Variants in POLK observed in about 807,000 individuals in gnomAD.
POLK encodes the protein polymerase (DNA directed) kappa.
A neutral mutation model predicts 94.0 loss-of-function variants in POLK; 76 were observed. That is an observed-to-expected ratio of 0.81 (90% CI 0.67 to 0.98). The LOEUF is 0.98. Among genes scored for constraint, POLK ranks in the 50% least tolerant of loss-of-function variants. The pLI, the probability that POLK is intolerant of heterozygous loss-of-function variation, is 0.00. For synonymous variants in POLK, 349 were observed against 325.4 expected, an observed-to-expected ratio of 1.07 and a Z score of -0.78; for missense variants, 954 against 1,010.1, an observed-to-expected ratio of 0.94 and a Z score of 0.75.
intron 1 of POLK, among the ~76,000 whole-genome samples, chr5:75,535,239 T>G (rs916676965): frequency 6.6e-6 from 1 of 152,210 alleles, no homozygotes; most frequent in Admixed American, 6.5e-5. Flanking sequence ...GATATGGAAT[T>G]CTTGGTTGAA....
rs1236492750 is a variant in POLK at position 75,559,516 on chromosome 5, TTGTTTTG to T, written c.255+6927_255+6933del. On this transcript the variant is annotated intron_variant, in intron 3 of 14. Coordinates refer to ENST00000241436, the Ensembl canonical transcript of POLK. ...TTGATTTGGGGTTTGTTTTTTTGTTTTGTTTTGTTTTTTTTTTTTTTTTTTTTTTTTT... is the reference window on the plus strand; with the variant it reads ...TTGATTTGGGGTTTGTTTTTTTGTTTTTTTTTTTTTTTTTTTTTTTTTTTT... Among the ~76,000 whole-genome samples the T allele has an allele frequency of 9.0e-4, 128 of 142,620 alleles. 1 individual carries two copies. Among genetic ancestry groups the T allele is most frequent in the Middle Eastern group, 3.5e-3 (1 of 282 alleles). The allele number at this position is 142,620 out of a possible 152,430, so 93.6% of individuals were successfully genotyped here.
intron 3 of POLK, among the ~76,000 whole-genome samples, chr5:75,561,851 A>G (rs976872682): frequency 2.0e-5 from 3 of 151,988 alleles, no homozygotes; most frequent in Admixed American, 2.0e-4. Context: ...CCTCTGTTCT[A>G]TTCTATTGGT....
intron 1 of POLK, among the ~76,000 whole-genome samples, chr5:75,536,221 C>T (rs191363892): frequency 2.3e-4 from 35 of 152,116 alleles, no homozygotes; most frequent in Admixed American, 3.9e-4. Context: ...CTTGGAGGAG[C>T]GCTCTCTGAT....
intron 1 of POLK, among the ~76,000 whole-genome samples, chr5:75,545,618 T>C (rs1336395271): frequency 1.3e-5 from 2 of 152,220 alleles, no homozygotes; most frequent in African/African-American, 2.4e-5. Context: ...AATTATTATC[T>C]GAAAGGATTT....
At chr5:75,562,273 A>G (rs1771029303) in intron 3 of POLK, among the ~76,000 whole-genome samples, 1 of 152,152 alleles carries the variant, frequency 6.6e-6, no homozygotes, top group Admixed American at 6.5e-5. Context: ...TCTTTGTAGC[A>G]ATTGTGAGTG....
At chr5:75,598,029 T>C in exon 15 of POLK, 1 of 1,010,608 alleles carries the variant, frequency 9.9e-7, no homozygotes, top group Non-Finnish European at 1.5e-6. Flanking sequence ...ACATTGAACA[T>C]TTTATCATTA....
chr5:75,571,393 T>C (rs1002166560), intron 4 of POLK, among the ~76,000 whole-genome samples: 4 of 152,314 alleles, frequency 2.6e-5, no homozygotes, highest in Admixed American at 6.5e-5. Flanking sequence ...CAGTTACCTA[T>C]TGCTGCATAA....
At chr5:75,604,107 T>C (rs145321436), downstream of POLK, among the ~76,000 whole-genome samples, 556 of 152,332 alleles carry the variant, frequency 3.6e-3, 3 homozygotes, top group African/African-American at 0.013. Flanking sequence ...TACTATCTTA[T>C]TGTTTTTATC....
chr5:75,530,416 TTTTTTTG>T, intron 1 of POLK, among the ~76,000 whole-genome samples: 2 of 137,348 alleles, frequency 1.5e-5, no homozygotes, highest in African/African-American at 5.5e-5. Flanking sequence ...TTTTTTTTTT[TTTTTTTG>T]AGTTGGAATC....
chr5:75,537,591 C>T (rs1361056996), intron 1 of POLK, among the ~76,000 whole-genome samples: 1 of 152,110 alleles, frequency 6.6e-6, no homozygotes, highest in Non-Finnish European at 1.5e-5. Context: ...GCCATCTTGG[C>T]CCCCCTAACC....
chr5:75,559,467 C>T (rs1163364992), intron 3 of POLK, among the ~76,000 whole-genome samples: 1 of 146,340 alleles, frequency 6.8e-6, no homozygotes, highest in Non-Finnish European at 1.5e-5. Flanking sequence ...CAAATCAGTG[C>T]ATTTTGACCA....
chr5:75,604,837 C>T (rs778858385), downstream of POLK, among the ~76,000 whole-genome samples: 3 of 152,106 alleles, frequency 2.0e-5, no homozygotes, highest in Non-Finnish European at 2.9e-5. Context: ...AAGGACTAAT[C>T]GCTTTTGCTT....
intron 2 of POLK, among the ~76,000 whole-genome samples, chr5:75,548,113 G>A (rs1027980288): frequency 1.1e-4 from 17 of 151,940 alleles, no homozygotes; most frequent in Admixed American, 5.3e-4. Context: ...GTAGAGAGGC[G>A]GTCTCACTGT....
chr5:75,511,543 A>C, upstream of POLK: 1 of 1,457,708 alleles, frequency 6.9e-7, no homozygotes, highest in African/African-American at 1.4e-5. Context: ...AAAAGGGAAA[A>C]GAAGGGAAGA....
chr5:75,530,192 C>G (rs73120845), intron 1 of POLK, among the ~76,000 whole-genome samples: 1,848 of 142,498 alleles, frequency 0.013, 39 homozygotes, highest in African/African-American at 0.045. Flanking sequence ...ATGTATTTTT[C>G]TTTATGTTTC....
At chr5:75,510,937 G>A (rs959888112), upstream of POLK, among the ~76,000 whole-genome samples, 2 of 151,976 alleles carry the variant, frequency 1.3e-5, no homozygotes, top group Non-Finnish European at 2.9e-5. Flanking sequence ...CGAGCCCCCG[G>A]GCAACAAGGA....
chr5:75,536,095 G>T (rs1395355527), intron 1 of POLK, among the ~76,000 whole-genome samples: 2 of 152,136 alleles, frequency 1.3e-5, no homozygotes, highest in Non-Finnish European at 2.9e-5. Flanking sequence ...AGTTTTTGAT[G>T]TTGCTGTCCT....
intron 1 of POLK, among the ~76,000 whole-genome samples, chr5:75,544,574 G>A (rs1331534768): frequency 2.6e-5 from 4 of 151,628 alleles, no homozygotes; most frequent in African/African-American, 4.9e-5. Context: ...CCCAGGAGGC[G>A]GAGGTAGCAG....
At chr5:75,575,833 G>T (rs903125489) in intron 5 of POLK, among the ~76,000 whole-genome samples, 1 of 152,054 alleles carries the variant, frequency 6.6e-6, no homozygotes, top group East Asian at 1.9e-4. Context: ...TATAAAAGAA[G>T]AAACAGTTTT....
Sources: gnomAD v4.1 joint callset for allele counts (sites outside exome capture counted in the v4.1 genomes callset) on GRCh38, gnomAD v4.1.1 for gene constraint, MANE v1.5 for transcripts, NCBI Gene and HGNC (gene_info 2026-07-23, HGNC 2026-07-21) for gene names.